CPA6: variants seen among roughly 807,000 people sequenced by gnomAD.
CPA6 encodes carboxypeptidase B.
In CPA6, 58 loss-of-function variants were observed where a neutral mutation model predicts 63.3. The ratio of observed to expected loss-of-function variants is 0.92; its 90% CI spans 0.74 to 1.14. The LOEUF is 1.14. CPA6 is among the 50% of genes most tolerant of loss of function. CPA6 has a pLI of 0.00. For synonymous variants in CPA6, 185 were observed against 179.0 expected (o/e 1.03, Z -0.27); for missense variants, 565 against 526.6 (o/e 1.07, Z -0.71).
intron 8 of CPA6, among the ~76,000 whole-genome samples, chr8:67,471,189 C>G (rs1292513092): frequency 6.6e-6 from 1 of 152,140 alleles, no homozygotes; most frequent in East Asian, 1.9e-4. Flanking sequence ...CTTTACATGA[C>G]TGTTCCTTCT....
chr8:67,584,418 T>C (rs903409510), intron 2 of CPA6, among the ~76,000 whole-genome samples: 5 of 152,106 alleles, frequency 3.3e-5, no homozygotes, highest in Admixed American at 6.5e-5. Context: ...ACAAAAGGCT[T>C]GGGTGCAGAT....
At chr8:67,677,342 CTTTTT>C (rs35049117) in intron 1 of CPA6, among the ~76,000 whole-genome samples, 2 of 128,362 alleles carry the variant, frequency 1.6e-5, no homozygotes, top group African/African-American at 2.9e-5. Flanking sequence ...AAAACACCTT[CTTTTT>C]TTTTTTTTTT....
intron 1 of CPA6, among the ~76,000 whole-genome samples, chr8:67,724,955 T>G (rs1336945219): frequency 6.6e-6 from 1 of 152,238 alleles, no homozygotes; most frequent in Non-Finnish European, 1.5e-5. Context: ...TAGCATTCTG[T>G]GTTAACAAGT....
chr8:67,431,318 CA>C (rs777443179), intron 9 of CPA6, among the ~76,000 whole-genome samples: 6 of 152,020 alleles, frequency 3.9e-5, no homozygotes, highest in Non-Finnish European at 8.8e-5. Flanking sequence ...TGGCTCACTG[CA>C]AACCTCCACC....
chr8:67,535,367 T>A (rs144829258), intron 2 of CPA6, among the ~76,000 whole-genome samples: 5,587 of 152,266 alleles, frequency 0.037, 141 homozygotes, highest in Non-Finnish European at 0.057. Context: ...CTCCAGCATC[T>A]GTTGTTTCTT....
chr8:67,615,895 T>C (rs896892319), intron 2 of CPA6, among the ~76,000 whole-genome samples: 2 of 152,216 alleles, frequency 1.3e-5, no homozygotes, highest in African/African-American at 4.8e-5. Context: ...GAGGAGAGCA[T>C]TCCAGACAAG....
At position 67,710,403 on chromosome 8, in the gene CPA6, A is replaced by ACCC. The variant is rs61370329; in HGVS notation, c.116+35608_116+35610dup. Reference sequence around the variant, plus strand: ...CTGCAGGTGCAAATTTCCCGCCCCCACCCCCCCCCAACCCCCCACCCCGAA... The same window carrying ACCC: ...CTGCAGGTGCAAATTTCCCGCCCCCACCCCCCCCCCCCAACCCCCCACCCCGAA... On this transcript the variant is annotated intron_variant, in intron 1 of 10. Coordinates refer to ENST00000297770, the MANE Select transcript of CPA6 (RefSeq NM_020361.5). Among the ~76,000 whole-genome samples, 69 of 64,996 alleles carry ACCC rather than the reference A, an allele frequency of 1.1e-3. 1 individual carries two copies. The highest frequency in any genetic ancestry group is 2.8e-3 in the African/African-American group (69 of 24,570). The allele number at this position is 64,996 out of a possible 152,430, so 42.6% of individuals were successfully genotyped here.
intron 8 of CPA6, among the ~76,000 whole-genome samples, chr8:67,464,500 C>T (rs186214076): frequency 6.6e-6 from 1 of 152,244 alleles, no homozygotes; most frequent in African/African-American, 2.4e-5. Context: ...GTTTCTTTTG[C>T]TGTGCAAAAG....
At chr8:67,742,807 T>A (rs1191555084) in intron 1 of CPA6, among the ~76,000 whole-genome samples, 1 of 152,204 alleles carries the variant, frequency 6.6e-6, no homozygotes, top group African/African-American at 2.4e-5. Context: ...TTCAGACTTA[T>A]GCTACGCTGA....
intron 2 of CPA6, among the ~76,000 whole-genome samples, chr8:67,532,623 G>A (rs1190226897): frequency 6.6e-6 from 1 of 152,076 alleles, no homozygotes; most frequent in Non-Finnish European, 1.5e-5. Context: ...GTTCAAGGCT[G>A]CAGTGAGCAC....
At chr8:67,607,439 G>A (rs1814695645) in intron 2 of CPA6, among the ~76,000 whole-genome samples, 1 of 151,812 alleles carries the variant, frequency 6.6e-6, no homozygotes, top group African/African-American at 2.4e-5. Context: ...ATCTTAACGG[G>A]TCTTCTTTGC....
intron 1 of CPA6, among the ~76,000 whole-genome samples, chr8:67,653,382 T>C (rs1338053654): frequency 2.6e-5 from 4 of 152,114 alleles, no homozygotes; most frequent in African/African-American, 9.7e-5. Context: ...GAGCATGGAA[T>C]GTTCTTCCAT....
At chr8:67,552,581 G>A (rs951455540) in intron 2 of CPA6, among the ~76,000 whole-genome samples, 1 of 151,726 alleles carries the variant, frequency 6.6e-6, no homozygotes, top group South Asian at 2.1e-4. Flanking sequence ...AGACCATCCT[G>A]GCTAACACAG....
At chr8:67,629,704 A>C (rs932896851) in intron 1 of CPA6, among the ~76,000 whole-genome samples, 1 of 152,246 alleles carries the variant, frequency 6.6e-6, no homozygotes, top group Non-Finnish European at 1.5e-5. Context: ...CATGCAGTTC[A>C]AACAAACAAT....
chr8:67,482,798 T>A (rs1463990387), intron 8 of CPA6, among the ~76,000 whole-genome samples: 7 of 152,250 alleles, frequency 4.6e-5, no homozygotes, highest in Non-Finnish European at 1.0e-4. Context: ...AATGGTAGAA[T>A]CAGACTACAT....
chr8:67,728,256 A>G (rs1817641307), intron 1 of CPA6, among the ~76,000 whole-genome samples: 2 of 152,224 alleles, frequency 1.3e-5, no homozygotes, highest in African/African-American at 4.8e-5. Context: ...CCTCTCCTCT[A>G]TGAAGAAGAG....
At chr8:67,490,668 C>T (rs1423395847) in intron 6 of CPA6, among the ~76,000 whole-genome samples, 2 of 152,170 alleles carry the variant, frequency 1.3e-5, no homozygotes, top group African/African-American at 2.4e-5. Context: ...TTGGTATTCA[C>T]CATCTGCCAA....
At chr8:67,433,835 T>C (rs1243432443) in intron 9 of CPA6, among the ~76,000 whole-genome samples, 2 of 152,242 alleles carry the variant, frequency 1.3e-5, no homozygotes, top group Admixed American at 6.5e-5. Flanking sequence ...TCTCTCAGCT[T>C]CTAGCTTCTT....
chr8:67,534,567 C>T (rs1369770562), intron 2 of CPA6, among the ~76,000 whole-genome samples: 2 of 152,146 alleles, frequency 1.3e-5, no homozygotes, highest in Non-Finnish European at 2.9e-5. Flanking sequence ...AGAATAGATG[C>T]ACATTGAAGG....
Sources: gnomAD v4.1 joint callset for allele counts (sites outside exome capture counted in the v4.1 genomes callset) on GRCh38, gnomAD v4.1.1 for gene constraint, MANE v1.5 for transcripts, NCBI Gene and HGNC (gene_info 2026-07-23, HGNC 2026-07-21) for gene names.